The following ATG4A variants were observed in gnomAD, a reference collection of about 807,000 sequenced individuals.
The protein encoded by ATG4A is cysteine protease ATG4A.
A neutral mutation model predicts 38.4 loss-of-function variants in ATG4A; 22 were observed. That is an observed-to-expected ratio of 0.57 (90% CI 0.41 to 0.82). The LOEUF (loss-of-function observed/expected upper bound fraction) is 0.82, where lower values mean the gene tolerates loss of function less well. Among genes scored for constraint, ATG4A ranks in the 40% least tolerant of loss-of-function variants. The pLI is 0.00. For synonymous variants in ATG4A, 86 were observed against 100.7 expected, an observed-to-expected ratio of 0.85 and a Z score of 0.88; for missense variants, 220 against 290.0, an observed-to-expected ratio of 0.76 and a Z score of 1.75.
chrX:108,128,887 C>T (rs779125049), intron 3 of ATG4A, 35 bp downstream of exon 3: 1 of 1,004,889 alleles, frequency 1.0e-6, no homozygotes, highest in African/African-American at 1.9e-5. Context: ...TGCTTTATTC[C>T]TTGTGGATAG....
At chrX:108,138,710 A>C (rs1340302978) in intron 9 of ATG4A, among the ~76,000 whole-genome samples, 1 of 111,685 alleles carries the variant, frequency 9.0e-6, no homozygotes, top group Non-Finnish European at 1.9e-5. Flanking sequence ...ATAGGAAGGC[A>C]CCTCTGGAAA....
chrX:108,090,247 T>C (rs1421159989), upstream of ATG4A, among the ~76,000 whole-genome samples: 1 of 112,111 alleles, frequency 8.9e-6, no homozygotes, highest in Admixed American at 9.4e-5. Flanking sequence ...TGTATTCAGA[T>C]TGCCCCCAAC....
At chrX:108,133,721 G>GGT (rs1181243858) in intron 4 of ATG4A, among the ~76,000 whole-genome samples, 1 of 112,100 alleles carries the variant, frequency 8.9e-6, no homozygotes, top group Non-Finnish European at 1.9e-5. Context: ...CGGGCTTTGT[G>GGT]GTGACCTCCT....
At chrX:108,148,017 G>GAA (rs2033466488) in intron 9 of ATG4A, among the ~76,000 whole-genome samples, 1 of 63,798 alleles carries the variant, frequency 1.6e-5, no homozygotes, top group Non-Finnish European at 3.0e-5. Flanking sequence ...AGAACTAATG[G>GAA]AAAATATATA....
At chrX:108,150,845 A>C (rs920281540) in intron 10 of ATG4A, among the ~76,000 whole-genome samples, 1 of 112,176 alleles carries the variant, frequency 8.9e-6, no homozygotes, top group Non-Finnish European at 1.9e-5. Flanking sequence ...ACACCACCAA[A>C]CCGTATCACT....
chrX:108,113,700 G>T (rs2032430229), intron 1 of ATG4A, among the ~76,000 whole-genome samples: 1 of 111,595 alleles, frequency 9.0e-6, no homozygotes. Flanking sequence ...GTCTTACATG[G>T]CGGTGGCAAG....
At chrX:108,124,767 TCAGAA>T (rs1602644126) in intron 1 of ATG4A, among the ~76,000 whole-genome samples, 1 of 112,312 alleles carries the variant, frequency 8.9e-6, no homozygotes, top group African/African-American at 3.2e-5. Flanking sequence ...TTTTTTTTTA[TCAGAA>T]CAGACTCATT....
chrX:108,139,959 C>T (rs987718954), intron 9 of ATG4A, among the ~76,000 whole-genome samples: 1 of 111,575 alleles, frequency 9.0e-6, no homozygotes, highest in African/African-American at 3.3e-5. Flanking sequence ...ATAGGGGCTC[C>T]ACCCTCATGA....
At chrX:108,116,991 C>T (rs1426282403) in intron 1 of ATG4A, among the ~76,000 whole-genome samples, 5 of 111,939 alleles carry the variant, frequency 4.5e-5, no homozygotes. Context: ...TACAGATACT[C>T]ATCACATACT....
rs137925255 is a variant in ATG4A, at chrX:108,118,132, A to G, written c.11-7945A>G. Among the ~76,000 whole-genome samples, 50 of 112,296 alleles carry G rather than the reference A, an allele frequency of 4.5e-4. No individual in the cohort carries two copies. The East Asian group carries it at 0.013, about 30-fold the overall frequency. Reference sequence around the variant, plus strand: ...ATCACTTTCAGTTAAACATAACTATAATGTTCTAACCTCAGACTGTCTGCT... The same window carrying G: ...ATCACTTTCAGTTAAACATAACTATGATGTTCTAACCTCAGACTGTCTGCT... On this transcript the variant is annotated intron_variant, in intron 1 of 12. Transcript: ENST00000372232.
At chrX:108,094,681 A>G (rs938506026) in intron 1 of ATG4A, among the ~76,000 whole-genome samples, 1 of 112,256 alleles carries the variant, frequency 8.9e-6, no homozygotes, top group Admixed American at 9.4e-5. Context: ...ACTATCCTCA[A>G]ACATGATTTT....
intron 6 of ATG4A, among the ~76,000 whole-genome samples, chrX:108,135,878 A>G (rs1001194666): frequency 9.2e-6 from 1 of 108,476 alleles, no homozygotes; most frequent in African/African-American, 3.4e-5. Flanking sequence ...TCCACCTCCC[A>G]GGGTCAAGCA....
chrX:108,152,030 G>A (rs758742798), intron 11 of ATG4A, 172 bp downstream of exon 11: 11 of 455,844 alleles, frequency 2.4e-5, no homozygotes, highest in Admixed American at 2.1e-4. Flanking sequence ...GCATAACTTC[G>A]GGGAAACTGA....
At chrX:108,090,484 T>C (rs184684713), upstream of ATG4A, among the ~76,000 whole-genome samples, 482 of 112,139 alleles carry the variant, frequency 4.3e-3, 3 homozygotes, top group African/African-American at 0.015. Flanking sequence ...CAGACCATAA[T>C]GAAGTAAACC....
At chrX:108,110,219 A>C (rs2032319027) in intron 1 of ATG4A, among the ~76,000 whole-genome samples, 1 of 106,872 alleles carries the variant, frequency 9.4e-6, no homozygotes, top group Admixed American at 1.0e-4. Flanking sequence ...AAAAAAAAAA[A>C]ATTAGCTGGG....
chrX:108,091,016 A>G (rs1268964132), upstream of ATG4A, among the ~76,000 whole-genome samples: 2 of 113,193 alleles, frequency 1.8e-5, no homozygotes, highest in Non-Finnish European at 3.7e-5. Flanking sequence ...ACTCCACCGT[A>G]TCCCCAGCTC....
chrX:108,099,674 A>G (rs1009550004), intron 1 of ATG4A, among the ~76,000 whole-genome samples: 60 of 112,142 alleles, frequency 5.4e-4, no homozygotes, highest in African/African-American at 1.8e-3. Flanking sequence ...AATATTTGGC[A>G]TAAAATGTGA....
chrX:108,145,489 T>C (rs917156792), intron 9 of ATG4A, among the ~76,000 whole-genome samples: 1 of 112,538 alleles, frequency 8.9e-6, no homozygotes, highest in African/African-American at 3.2e-5. Flanking sequence ...CCACATCTGG[T>C]ACAGCAGCTG....
At chrX:108,127,586 C>T (rs1164380555) in intron 2 of ATG4A, among the ~76,000 whole-genome samples, 1 of 111,727 alleles carries the variant, frequency 9.0e-6, no homozygotes, top group Non-Finnish European at 1.9e-5. Flanking sequence ...AGTATGACTT[C>T]GGGTGTCTTA....
Sources: gnomAD v4.1 joint callset for allele counts (sites outside exome capture counted in the v4.1 genomes callset) on GRCh38, gnomAD v4.1.1 for gene constraint, MANE v1.5 for transcripts, NCBI Gene and HGNC (gene_info 2026-07-23, HGNC 2026-07-21) for gene names.